ATAD1: variants seen among roughly 807,000 people sequenced by gnomAD.
The protein encoded by ATAD1 is ATPase family AAA domain containing 1, also known as outer mitochondrial transmembrane helix translocase.
ATAD1 carries 18 observed loss-of-function variants against 42.7 expected under a neutral mutation model. The ratio of observed to expected loss-of-function variants is 0.42; its 90% CI spans 0.29 to 0.63. The LOEUF (loss-of-function observed/expected upper bound fraction) is 0.63, where lower values mean the gene tolerates loss of function less well. Ranked by LOEUF, ATAD1 falls within the 20% of genes least tolerant of loss-of-function variation. ATAD1 has a pLI of 0.19. For synonymous variants in ATAD1, 132 were observed against 143.1 expected, an observed-to-expected ratio of 0.92 and a Z score of 0.55; for missense variants, 294 against 440.4, an observed-to-expected ratio of 0.67 and a Z score of 2.98.
chr10:87,801,077 T>A (rs1564770233), intron 2 of ATAD1, among the ~76,000 whole-genome samples: 1 of 152,342 alleles, frequency 6.6e-6, no homozygotes, highest in East Asian at 1.9e-4. Flanking sequence ...GGAAGTTATA[T>A]CTTATGGTCA....
intron 6 of ATAD1, among the ~76,000 whole-genome samples, chr10:87,774,072 A>C (rs995804177): frequency 2.0e-5 from 3 of 152,214 alleles, no homozygotes; most frequent in Non-Finnish European, 2.9e-5. Context: ...CACTTTCACA[A>C]ACATAATGTA....
At chr10:87,803,466 G>C (rs571167762) in intron 2 of ATAD1, among the ~76,000 whole-genome samples, 16 of 152,220 alleles carry the variant, frequency 1.1e-4, no homozygotes, top group Non-Finnish European at 2.1e-4. Context: ...TGAGATAAAC[G>C]CGTATCTGCT....
At chr10:87,816,625 T>C (rs1857426511) in intron 1 of ATAD1, among the ~76,000 whole-genome samples, 1 of 152,106 alleles carries the variant, frequency 6.6e-6, no homozygotes, top group Non-Finnish European at 1.5e-5. Flanking sequence ...AAATCTCTCT[T>C]CATGGAACAA....
At chr10:87,795,452 C>T (rs963271897) in intron 2 of ATAD1, among the ~76,000 whole-genome samples, 1 of 133,462 alleles carries the variant, frequency 7.5e-6, no homozygotes, top group Non-Finnish European at 1.5e-5. Context: ...TTTCTGATCA[C>T]CATGGTTTGC....
intron 1 of ATAD1, among the ~76,000 whole-genome samples, chr10:87,838,052 G>A (rs1857960621): frequency 6.6e-6 from 1 of 152,176 alleles, no homozygotes; most frequent in Non-Finnish European, 1.5e-5. Context: ...GTTTCAGACT[G>A]CCTTATTTCT....
intron 1 of ATAD1, among the ~76,000 whole-genome samples, chr10:87,838,538 A>G (rs1383565689): frequency 2.6e-5 from 4 of 151,494 alleles, no homozygotes; most frequent in African/African-American, 9.7e-5. Flanking sequence ...GGAATGGAAC[A>G]TTGTTTTTAA....
At chr10:87,762,372 C>G (rs777297498) in intron 8 of ATAD1, among the ~76,000 whole-genome samples, 3 of 152,212 alleles carry the variant, frequency 2.0e-5, no homozygotes, top group African/African-American at 7.2e-5. Flanking sequence ...AACTTATTAA[C>G]TATCCCCTTT....
At chr10:87,818,276 C>G, upstream of ATAD1, 1 of 985,040 alleles carries the variant, frequency 1.0e-6, no homozygotes, top group Non-Finnish European at 1.2e-6. Flanking sequence ...CTCCCTCCCA[C>G]GGAGCATGCG....
intron 8 of ATAD1, among the ~76,000 whole-genome samples, chr10:87,762,914 A>AT (rs1358202098): frequency 0.042 from 4,689 of 110,576 alleles, 113 homozygotes; most frequent in South Asian, 0.11. Flanking sequence ...ACTAAAAAAA[A>AT]AAAAATATAT....
chr10:87,792,588 C>T (rs1305821479), intron 3 of ATAD1, 69 bp downstream of exon 3: 2 of 1,177,890 alleles, frequency 1.7e-6, no homozygotes, highest in Admixed American at 1.8e-5. Context: ...TCTTTAAGAC[C>T]CCTGACACAA....
At chr10:87,828,835 T>C (rs2132106338) in intron 1 of ATAD1, among the ~76,000 whole-genome samples, 1 of 152,350 alleles carries the variant, frequency 6.6e-6, no homozygotes, top group South Asian at 2.1e-4. Context: ...ACTTAAGAGT[T>C]ACTCTGTATC....
chr10:87,786,041 T>A (rs930876368), intron 4 of ATAD1, among the ~76,000 whole-genome samples: 17 of 152,234 alleles, frequency 1.1e-4, no homozygotes, highest in African/African-American at 4.1e-4. Context: ...AAGTCAGTTA[T>A]AATTTGAATC....
chr10:87,792,685 G>A lies in ATAD1; in HGVS notation c.233C>T (p.Ala78Val). Reference protein sequence around the residue: ...KLSEYEMSIAAHLVDPLNMHV... With the variant: ...KLSEYEMSIAVHLVDPLNMHV... ...CATATTAAGAGGGTCTACAAGATGA[G>A]CAGCAATACTCATTTCATATTCTGA... Residue 78 changes from alanine (A) to valine (V), a missense_variant, in exon 3 of 10, where the codon GCT (alanine) becomes GTT (valine). This residue lies in a region of ATAD1 where 121 missense variants were observed against 187.3 expected (regional missense o/e 0.65). Coordinates refer to ENST00000680024, the MANE Select transcript of ATAD1 (RefSeq NM_001321967.2). The A allele has an allele frequency of 6.2e-7, 1 of 1,608,416 alleles. No homozygotes were observed. The highest frequency in any genetic ancestry group is 8.5e-7 in the Non-Finnish European group (1 of 1,176,508).
chr10:87,833,970 C>T (rs1473644158), intron 1 of ATAD1, among the ~76,000 whole-genome samples: 1 of 152,134 alleles, frequency 6.6e-6, no homozygotes, highest in Admixed American at 6.5e-5. Flanking sequence ...CCTGCCTTAG[C>T]CTCCCAAAGT....
At chr10:87,822,678 G>C (rs1471237454), upstream of ATAD1, among the ~76,000 whole-genome samples, 1 of 151,818 alleles carries the variant, frequency 6.6e-6, no homozygotes, top group Non-Finnish European at 1.5e-5. Flanking sequence ...AATGGTAATG[G>C]GTACAAAAAT....
chr10:87,833,944 G>A (rs1857884622), intron 1 of ATAD1, among the ~76,000 whole-genome samples: 2 of 152,042 alleles, frequency 1.3e-5, no homozygotes. Context: ...TCGAACTCCT[G>A]ACCTCAGGTG....
chr10:87,787,867 T>C (rs1055909427), intron 4 of ATAD1, among the ~76,000 whole-genome samples: 1 of 152,186 alleles, frequency 6.6e-6, no homozygotes, highest in Admixed American at 6.5e-5. Context: ...TTTTTTTCCT[T>C]AGGTTACTCA....
Position 87,756,915 on chromosome 10 carries a change from C to G in ATAD1, c.839G>C (p.Arg280Thr), listed in dbSNP as rs770712304. The change falls in exon 9 of 10, where the codon AGG becomes ACG. Residue 280 changes from arginine (R) to threonine (T), a missense_variant. Physicochemically the swap from Arg to Thr is moderately conservative, Grantham distance 71. Transcript: ENST00000680024. ...GGCAACTTCTAGCAGGTCTACATGC[C>G]TATCCACCTTAAACAAATATAAAAA... ...KLILKNENVD[R>T]HVDLLEVAQE... 2 of 1,596,098 alleles carry G rather than the reference C, an allele frequency of 1.3e-6. No individual in the cohort carries two copies. The highest frequency in any genetic ancestry group is 2.2e-5 in the East Asian group (1 of 44,538).
chr10:87,764,072 T>C (rs1449045620), intron 8 of ATAD1, among the ~76,000 whole-genome samples: 1 of 151,800 alleles, frequency 6.6e-6, no homozygotes, highest in African/African-American at 2.4e-5. Context: ...TCCTAGTGCA[T>C]AAAGACACGA....
Sources: allele counts gnomAD v4.1 joint callset (sites outside exome capture counted in the v4.1 genomes callset), GRCh38; gene constraint gnomAD v4.1.1; regional missense constraint gnomAD v4.1.1; transcripts MANE v1.5; gene names NCBI Gene and HGNC (gene_info 2026-07-23, HGNC 2026-07-21).